Variants in HLCS observed in about 807,000 individuals in gnomAD.
The protein encoded by HLCS is holocarboxylase synthetase.
Under a neutral mutation model 75.0 loss-of-function variants are expected in HLCS, and 53 were observed. That is an observed-to-expected ratio of 0.71 (90% CI 0.57 to 0.89). The LOEUF is 0.89. HLCS is among the 40% of genes least tolerant of loss of function. The pLI, the probability that HLCS is intolerant of heterozygous loss-of-function variation, is 0.00. For missense variants in HLCS, 966 were observed against 1,074.0 expected, an observed-to-expected ratio of 0.90 and a Z score of 1.41; for synonymous variants, 431 against 428.6, an observed-to-expected ratio of 1.01 and a Z score of -0.07.
In HLCS at chr21:36,756,580, G is replaced by A. The variant is rs2089605319; in HGVS notation, c.2412C>T (p.Asn804=). 2.5e-6 allele frequency: 4 copies of A among 1,613,668 alleles called. No homozygotes were observed. The highest frequency in any genetic ancestry group is 3.4e-6 in the Non-Finnish European group (4 of 1,179,822). Reference sequence around the variant, plus strand: ...ATCGGTAATAAAGGGGAAGGACGCTGTTGGGCCCTTTGTCCTGAAACTCTT... The same window carrying A: ...ATCGGTAATAAAGGGGAAGGACGCTATTGGGCCCTTTGTCCTGAAACTCTT... The part of the protein sequence containing the change: ...LIKEFQDKGP[N]SVLPLYYRYW... Residue 804 remains asparagine (N), a synonymous_variant, in exon 10 of 11, where the codon AAC becomes AAT. Coordinates refer to ENST00000674895, the MANE Select transcript of HLCS (RefSeq NM_001352514.2).
intron 6 of HLCS, among the ~76,000 whole-genome samples, chr21:36,835,788 T>C (rs60706135): frequency 0.053 from 8,080 of 152,244 alleles, 396 homozygotes; most frequent in African/African-American, 0.13. Context: ...TGTCATGTTT[T>C]GTGAGCAATG....
chr21:36,936,859 T>C lies in HLCS; in HGVS notation c.1027A>G (p.Ile343Val). 1.2e-6 allele frequency: 2 copies of C among 1,614,080 alleles called. No individual in the cohort carries two copies. Among genetic ancestry groups the C allele is most frequent in the Non-Finnish European group, 8.5e-7 (1 of 1,180,026 alleles). ...LADCVDIDSY[I>V]LYHLLEDSAL... is the part of the protein sequence containing the mutation. The stretch of plus-strand genomic sequence containing the variant: ...CTGTCCTCCAGCAGGTGGTAGAGAA[T>C]ATAACTGTCAATGTCCACACAGTCG... The change falls in exon 4 of 11, where the codon ATT becomes GTT. Residue 343 changes from isoleucine (I) to valine (V), a missense_variant. By Grantham distance (29) the Ile-to-Val change is conservative (BLOSUM62 3). Coordinates refer to ENST00000674895, the MANE Select transcript of HLCS (RefSeq NM_001352514.2).
Position 36,937,311 on chromosome 21 carries a change from G to C in HLCS, c.575C>G (p.Pro192Arg). The C allele has an allele frequency of 6.2e-7, 1 of 1,614,128 alleles. No individual in the cohort carries two copies. The highest frequency in any genetic ancestry group is 8.5e-7 in the Non-Finnish European group (1 of 1,180,042). ...AGGCTTAATCTCAAGAGAAGGTTCA[G>C]GCTTCGGCTCTAGGATCTGGGCTTG... ...NKQAQILEPK[P>R]EPSLEIKPEQ... Residue 192 changes from proline (P) to arginine (R), a missense_variant, in exon 4 of 11, where the codon CCT (proline) becomes CGT (arginine). By Grantham distance (103) the Pro-to-Arg change is moderately radical. Coordinates refer to ENST00000674895, the MANE Select transcript of HLCS (RefSeq NM_001352514.2).
chr21:36,896,063 TG>T (rs992649039), intron 6 of HLCS, among the ~76,000 whole-genome samples: 3 of 152,074 alleles, frequency 2.0e-5, no homozygotes, highest in African/African-American at 7.2e-5. Context: ...AAAAAAGGTA[TG>T]GGGGTTGGGA....
At chr21:36,979,627 A>G (rs1194898754) in intron 1 of HLCS, among the ~76,000 whole-genome samples, 1 of 152,172 alleles carries the variant, frequency 6.6e-6, no homozygotes, top group Non-Finnish European at 1.5e-5. Context: ...ATAAAACAGC[A>G]ATACGGACCA....
chr21:36,785,733 C>T (rs757999906), intron 6 of HLCS, among the ~76,000 whole-genome samples: 4 of 152,194 alleles, frequency 2.6e-5, no homozygotes, highest in Non-Finnish European at 5.9e-5. Context: ...GAAGTGGAGG[C>T]AGTGGGTGTA....
At chr21:36,900,013 A>G (rs2065170729) in intron 5 of HLCS, among the ~76,000 whole-genome samples, 1 of 151,652 alleles carries the variant, frequency 6.6e-6, no homozygotes, top group Non-Finnish European at 1.5e-5. Flanking sequence ...GCTGAGGCAC[A>G]AGAATCACTT....
At chr21:36,773,769 A>G (rs2060276980) in intron 6 of HLCS, among the ~76,000 whole-genome samples, 1 of 152,140 alleles carries the variant, frequency 6.6e-6, no homozygotes, top group Admixed American at 6.5e-5. Flanking sequence ...GTTATTTTTC[A>G]TTTTAAAAAA....
intron 6 of HLCS, among the ~76,000 whole-genome samples, chr21:36,858,244 T>A (rs1450909539): frequency 1.3e-5 from 2 of 152,232 alleles, no homozygotes; most frequent in African/African-American, 4.8e-5. Context: ...CTCCTCCTCA[T>A]TCATATTTTA....
chr21:36,919,422 A>T (rs1217809164), intron 5 of HLCS, among the ~76,000 whole-genome samples: 1 of 152,206 alleles, frequency 6.6e-6, no homozygotes, highest in Non-Finnish European at 1.5e-5. Flanking sequence ...AATGTCCGAG[A>T]TATGGTTGTT....
rs1568966981 is a variant in HLCS at position 36,759,838 on chromosome 21, T to TA, written c.2124dup (p.Ile709TyrfsTer15). 6.3e-7 allele frequency: 1 copy of TA among 1,592,204 alleles called. No individual in the cohort carries two copies. The highest frequency in any genetic ancestry group is 1.1e-5 in the South Asian group (1 of 90,676). On this transcript the variant is annotated frameshift_variant, in exon 9 of 11. Coordinates refer to ENST00000674895, the MANE Select transcript of HLCS (RefSeq NM_001352514.2). LOFTEE classifies it high-confidence loss of function. ...TTGGGCCACTTCACTCGTAAGTTGA[T>TA]ATCCTAAAGGGAAATCTGCACATTA...
intron 2 of HLCS, among the ~76,000 whole-genome samples, chr21:36,955,879 C>G (rs1182313573): frequency 6.6e-6 from 1 of 152,160 alleles, no homozygotes; most frequent in Non-Finnish European, 1.5e-5. Flanking sequence ...TGTGCCTTTT[C>G]TATGTTTAGA....
chr21:36,965,920 G>GT (rs759115472), intron 1 of HLCS, among the ~76,000 whole-genome samples: 72 of 87,814 alleles, frequency 8.2e-4, no homozygotes, highest in African/African-American at 2.0e-3. Context: ...CGACCTAAGT[G>GT]TTTTTTTTGT....
chr21:36,897,848 GA>G (rs150210363), intron 5 of HLCS, among the ~76,000 whole-genome samples: 237 of 152,268 alleles, frequency 1.6e-3, no homozygotes, highest in African/African-American at 5.6e-3. Context: ...CCCCACGCCA[GA>G]CCTTAGAGGT....
rs899078146 is a variant in HLCS at position 36,862,127 on chromosome 21, C to T, written c.1892+34733G>A. Among the ~76,000 whole-genome samples, 4 of 152,232 alleles carry T rather than the reference C, an allele frequency of 2.6e-5. No homozygotes were observed. The South Asian group carries it at 6.2e-4, about 24-fold the overall frequency. On this transcript the variant is annotated intron_variant, in intron 6 of 10. Transcript: ENST00000674895. ...CATGGTACAGCATGCATCAGTACTG[C>T]ATTCCTTTTTATGGCTCAATAATAT...
At chr21:36,926,729 C>T (rs957478278) in intron 5 of HLCS, among the ~76,000 whole-genome samples, 1 of 149,250 alleles carries the variant, frequency 6.7e-6, no homozygotes, top group African/African-American at 2.4e-5. Context: ...GATTTCCTTC[C>T]AGTCTTGTTT....
chr21:36,797,517 G>A (rs2061064133), intron 6 of HLCS, among the ~76,000 whole-genome samples: 2 of 152,074 alleles, frequency 1.3e-5, no homozygotes, highest in African/African-American at 4.8e-5. Context: ...GCATCACTTG[G>A]GAAGTTCCCT....
intron 5 of HLCS, among the ~76,000 whole-genome samples, chr21:36,916,654 G>A (rs2065947301): frequency 1.3e-5 from 2 of 151,308 alleles, no homozygotes; most frequent in East Asian, 3.9e-4. Flanking sequence ...TTACGGGCAT[G>A]AGCCGCTGCA....
At chr21:36,953,802 C>T (rs2835551) in intron 2 of HLCS, among the ~76,000 whole-genome samples, 50,477 of 151,928 alleles carry the variant, frequency 0.33, 9,765 homozygotes, top group South Asian at 0.48. Flanking sequence ...AAACTTCAAG[C>T]TTACCATATT....
Sources: gnomAD v4.1 joint callset for allele counts (sites outside exome capture counted in the v4.1 genomes callset) on GRCh38, gnomAD v4.1.1 for gene constraint, MANE v1.5 for transcripts, NCBI Gene and HGNC (gene_info 2026-07-23, HGNC 2026-07-21) for gene names.